The following REXO2 variants were observed in gnomAD, a reference collection of about 807,000 sequenced individuals.
REXO2 encodes RNA exonuclease 2.
A neutral mutation model predicts 30.9 loss-of-function variants in REXO2; 17 were observed. That is an observed-to-expected ratio of 0.55 (90% CI 0.38 to 0.82). The LOEUF (loss-of-function observed/expected upper bound fraction) is 0.82, where lower values mean the gene tolerates loss of function less well. REXO2 is among the 40% of genes least tolerant of loss of function. The probability of loss-of-function intolerance (pLI) is 0.00; values close to 1 mark genes in which losing one functional copy is unlikely to be tolerated. For synonymous variants in REXO2, 105 were observed against 99.6 expected, an observed-to-expected ratio of 1.05 and a Z score of -0.32; for missense variants, 253 against 293.2, an observed-to-expected ratio of 0.86 and a Z score of 1.00.
intron 2 of REXO2, chr11:114,441,011 C>T (rs902308225): frequency 2.0e-5 from 6 of 293,482 alleles, no homozygotes; most frequent in Non-Finnish European, 3.8e-5. Flanking sequence ...TTACTGTATG[C>T]CAGCTACAGT....
intron 2 of REXO2, chr11:114,442,048 A>C: frequency 2.3e-6 from 1 of 438,004 alleles, no homozygotes; most frequent in East Asian, 3.6e-5. Context: ...TGACAGTTTA[A>C]TGGACCCGTA....
intron 2 of REXO2, chr11:114,441,986 C>G: frequency 1.8e-6 from 1 of 546,400 alleles, no homozygotes; most frequent in Non-Finnish European, 3.2e-6. Flanking sequence ...TCTAACTTAC[C>G]CTTGGCCGAA....
In REXO2 at chr11:114,445,231, A is replaced by G. The variant is rs1393006212; in HGVS notation, c.421+579A>G. On this transcript the variant is annotated intron_variant, in intron 4 of 6. Transcript: ENST00000265881. ...TTATATTTCTTTAGTCTCTTAATGT[A>G]AAACTTTCCACCTATTATTTTTCCC... 2.0e-5 allele frequency: 3 copies of G among 152,194 alleles called. No homozygotes were observed. In the East Asian group the frequency reaches 5.8e-4, roughly 29 times the overall value. 9.4% of individuals were successfully genotyped at this position (152,194 alleles called of 1,614,324 possible). A position where few individuals can be genotyped will look rare whatever the true frequency, so the allele number is the denominator to read the frequency against.
At chr11:114,447,779 A>G in intron 5 of REXO2, 47 bp from the exon 6 acceptor site, 1 of 1,497,960 alleles carries the variant, frequency 6.7e-7, no homozygotes, top group Non-Finnish European at 9.2e-7. Flanking sequence ...ATTGTTCAGT[A>G]TATTTGAGAC....
At chr11:114,444,730 C>G (rs1946501986) in intron 4 of REXO2, 78 bp downstream of exon 4, 1 of 833,648 alleles carries the variant, frequency 1.2e-6, no homozygotes, top group East Asian at 3.0e-5. Flanking sequence ...GAAAGACTAG[C>G]CGAGCCCATC....
At chr11:114,448,805 C>G (rs1946527002) in intron 6 of REXO2, 1 of 152,206 alleles carries the variant, frequency 6.6e-6, no homozygotes, top group South Asian at 2.1e-4. Flanking sequence ...TAAGATTGCT[C>G]AGGTTTTGCT....
chr11:114,439,555 G>A lies in REXO2; in HGVS notation c.27G>A (p.Arg9=). ...TGCTAGGCGGCTCCCTGGGCTCCAG[G>A]CTGTTGCGGGGTGTAGGTGGGAGTC... MLGGSLGS[R]LLRGVGGSHG... is the part of the protein sequence containing the mutation. The change falls in exon 1 of 7, where the codon AGG becomes AGA. Residue 9 remains arginine, a synonymous_variant. Coordinates refer to ENST00000265881, the MANE Select transcript of REXO2 (RefSeq NM_015523.4). 1 of 1,608,904 alleles carries A rather than the reference G, an allele frequency of 6.2e-7. No homozygotes were observed. Among genetic ancestry groups the A allele is most frequent in the South Asian group, 1.1e-5 (1 of 90,982 alleles).
chr11:114,443,030 G>A (rs780714564), intron 2 of REXO2, among the ~76,000 whole-genome samples: 36 of 151,526 alleles, frequency 2.4e-4, no homozygotes, highest in Non-Finnish European at 4.0e-4. Context: ...ATATAAATGC[G>A]TGTTTTTTTT....
intron 1 of REXO2, among the ~76,000 whole-genome samples, chr11:114,440,346 C>T (rs1047941133): frequency 2.6e-5 from 4 of 152,112 alleles, no homozygotes; most frequent in African/African-American, 9.7e-5. Flanking sequence ...TCTGCAGAGA[C>T]GTGGTGGTGG....
At chr11:114,447,804 G>A (rs201577660) in intron 5 of REXO2, 22 bp from the exon 6 acceptor site, 2 of 1,601,786 alleles carry the variant, frequency 1.2e-6, no homozygotes, top group Admixed American at 1.7e-5. Context: ...TCCTTTGAGA[G>A]TTCCATTTCT....
intron 2 of REXO2, 73 bp from the exon 3 acceptor site, chr11:114,443,783 G>C: frequency 1.8e-6 from 2 of 1,105,496 alleles, no homozygotes; most frequent in East Asian, 5.1e-5. Context: ...CCTTAAAACA[G>C]CTTAAGCTTT....
chr11:114,449,597 C>T (rs1235518619), intron 6 of REXO2, among the ~76,000 whole-genome samples: 2 of 151,954 alleles, frequency 1.3e-5, no homozygotes, highest in African/African-American at 4.8e-5. Context: ...AACATGTCGC[C>T]ATCTTTTGGA....
Position 114,443,869 on chromosome 11 carries a change from T to A in REXO2, c.245T>A (p.Ile82Asn). The part of the protein sequence containing the change: ...LNILAEGPNL[I>N]IKQPDELLDS... Reference sequence around the variant, plus strand: ...TCCCATCCACAGGGTCCTAACCTGATTATAAAACAACCAGATGAGTTGCTG... The same window carrying A: ...TCCCATCCACAGGGTCCTAACCTGAATATAAAACAACCAGATGAGTTGCTG... Residue 82 changes from isoleucine (I) to asparagine (N), a missense_variant, in exon 3 of 7, where the codon ATT becomes AAT. Transcript: ENST00000265881. The A allele has an allele frequency of 6.2e-7, 1 of 1,608,122 alleles. No homozygotes were observed. The highest frequency in any genetic ancestry group is 1.3e-5 in the African/African-American group (1 of 75,002).
rs1455010125 is a variant in REXO2, at chr11:114,449,872, T to A, written c.611T>A (p.Ile204Asn). The change falls in exon 7 of 7, where the codon ATC (isoleucine) becomes AAC (asparagine). Residue 204 changes from isoleucine to asparagine, a missense_variant. Physicochemically the swap from Ile to Asn is moderately radical, Grantham distance 149 (BLOSUM62 -3). Transcript: ENST00000265881. ...GCACTTGATGACATTAGTGAAAGCA[T>A]CAAAGAGCTTCAGTTTTACCGAAAT... ...HRALDDISESIKELQFYRNNI... is the reference protein window; with the variant it reads ...HRALDDISESNKELQFYRNNI... The A allele has an allele frequency of 2.5e-6, 4 of 1,609,934 alleles. No individual in the cohort carries two copies. In the Admixed American group the frequency reaches 5.0e-5, roughly 20 times the overall value.
chr11:114,440,883 G>A, intron 2 of REXO2, 144 bp downstream of exon 2: 2 of 536,492 alleles, frequency 3.7e-6, no homozygotes, highest in South Asian at 3.0e-5. Context: ...GGTAGGGGTG[G>A]TACTAGAACC....
chr11:114,444,162 C>G lies in REXO2; in HGVS notation c.309+229C>G, dbSNP rs537447584. ...TTTCTCTCCTACATTCAGTCTGTCG[C>G]GAACGCATTGTGGATTGTCAAGTAT... is the stretch of plus-strand genomic sequence containing the variant. On this transcript the variant is annotated intron_variant, in intron 3 of 6. Transcript: ENST00000265881. The G allele has an allele frequency of 2.5e-5, 16 of 631,366 alleles. 2 individuals carry two copies. Among genetic ancestry groups the G allele is most frequent in the South Asian group, 2.4e-4 (16 of 66,114 alleles). The allele number at this position is 631,366 out of a possible 1,614,324, so 39.1% of individuals were successfully genotyped here.
intron 6 of REXO2, among the ~76,000 whole-genome samples, chr11:114,449,400 G>A (rs1946531555): frequency 6.6e-6 from 1 of 150,956 alleles, no homozygotes; most frequent in African/African-American, 2.5e-5. Flanking sequence ...GGTCGATTAA[G>A]TTTTAGAAAT....
At chr11:114,442,625 A>G (rs1181165391) in intron 2 of REXO2, among the ~76,000 whole-genome samples, 1 of 152,150 alleles carries the variant, frequency 6.6e-6, no homozygotes, top group African/African-American at 2.4e-5. Flanking sequence ...TTTATGGAAT[A>G]CTTTTCTATC....
At position 114,449,763 on chromosome 11, in the gene REXO2, C is replaced by T. The variant is rs74234223; in HGVS notation, c.585-83C>T. ...ACAGTAACATCCATTGTTCTTAAGT[C>T]GTTTTTTAAAAGTTGTACTTTTAAA... On this transcript the variant is annotated intron_variant, in intron 6 of 6. Transcript: ENST00000265881. The T allele has an allele frequency of 1.0e-3, 1,415 of 1,382,474 alleles. 23 individuals are homozygous for T. The East Asian group carries it at 0.032, about 31-fold the overall frequency. The allele number at this position is 1,382,474 out of a possible 1,614,324, so 85.6% of individuals were successfully genotyped here.
Sources: gnomAD v4.1 joint callset for allele counts (sites outside exome capture counted in the v4.1 genomes callset) on GRCh38, gnomAD v4.1.1 for gene constraint, MANE v1.5 for transcripts, NCBI Gene and HGNC (gene_info 2026-07-23, HGNC 2026-07-21) for gene names.